NSMAF: variants seen among roughly 807,000 people sequenced by gnomAD.
The protein encoded by NSMAF is neutral sphingomyelinase activation associated factor.
Under a neutral mutation model 134.9 loss-of-function variants are expected in NSMAF, and 90 were observed. The observed-to-expected ratio is 0.67, with a 90% CI of 0.56 to 0.79. NSMAF has a LOEUF of 0.79. NSMAF is among the 30% of genes least tolerant of loss of function. NSMAF has a pLI of 0.00. For missense variants in NSMAF, 1,010 were observed against 1,119.0 expected (o/e 0.90, Z 1.39); for synonymous variants, 358 against 389.6 (o/e 0.92, Z 0.96).
At chr8:58,599,670 C>A in intron 18 of NSMAF, 80 bp downstream of exon 18, 2 of 1,477,862 alleles carry the variant, frequency 1.4e-6, no homozygotes, top group Admixed American at 2.1e-5. Context: ...TTTTAAAAAT[C>A]TAAGCAATAA....
intron 24 of NSMAF, among the ~76,000 whole-genome samples, chr8:58,590,371 G>A (rs1287037220): frequency 6.6e-6 from 1 of 152,126 alleles, no homozygotes; most frequent in African/African-American, 2.4e-5. Flanking sequence ...TCCAGTTGGG[G>A]GCAGACTGGG....
At chr8:58,606,387 T>A in intron 11 of NSMAF, among the ~76,000 whole-genome samples, 1 of 152,170 alleles carries the variant, frequency 6.6e-6, no homozygotes, top group Non-Finnish European at 1.5e-5. Context: ...TCTTCAAACA[T>A]AAATGTCTAG....
intron 1 of NSMAF, among the ~76,000 whole-genome samples, chr8:58,647,484 T>C (rs1452253103): frequency 6.6e-6 from 1 of 152,206 alleles, no homozygotes; most frequent in African/African-American, 2.4e-5. Flanking sequence ...ATATGTCATG[T>C]TGAAATGTGA....
At chr8:58,637,583 G>A (rs1807206122) in intron 2 of NSMAF, among the ~76,000 whole-genome samples, 1 of 152,246 alleles carries the variant, frequency 6.6e-6, no homozygotes, top group Admixed American at 6.5e-5. Flanking sequence ...GATTTTATAT[G>A]TATACAAAAA....
intron 2 of NSMAF, among the ~76,000 whole-genome samples, chr8:58,641,495 G>A (rs1807335600): frequency 6.6e-6 from 1 of 152,108 alleles, no homozygotes; most frequent in Non-Finnish European, 1.5e-5. Flanking sequence ...GCCCCCTTCT[G>A]ACAAAAGTAG....
At chr8:58,650,114 T>C (rs1158978800) in intron 1 of NSMAF, among the ~76,000 whole-genome samples, 1 of 152,190 alleles carries the variant, frequency 6.6e-6, no homozygotes, top group African/African-American at 2.4e-5. Context: ...TCTTCACCCA[T>C]CTTGCGAAAG....
intron 1 of NSMAF, 30 bp downstream of exon 1, chr8:58,659,543 G>T (rs1258703047): frequency 4.6e-6 from 7 of 1,523,782 alleles, no homozygotes; most frequent in Admixed American, 4.1e-5. Context: ...CTAGGCCCCC[G>T]GCTGGGCCCT....
At chr8:58,606,448 C>T (rs993180203) in intron 11 of NSMAF, among the ~76,000 whole-genome samples, 2 of 152,138 alleles carry the variant, frequency 1.3e-5, no homozygotes, top group African/African-American at 4.8e-5. Flanking sequence ...CCAGGTCCTG[C>T]TCTGTTGCCC....
chr8:58,590,187 G>A (rs1585725189), intron 24 of NSMAF, 113 bp from the exon 25 acceptor site: 1 of 854,934 alleles, frequency 1.2e-6, no homozygotes, highest in African/African-American at 1.7e-5. Flanking sequence ...TCTTTATGTG[G>A]CTCTCCTCCT....
chr8:58,585,417 T>A (rs1302905867), intron 30 of NSMAF, among the ~76,000 whole-genome samples: 3 of 152,018 alleles, frequency 2.0e-5, no homozygotes, highest in Non-Finnish European at 4.4e-5. Flanking sequence ...ATTCTCCATA[T>A]GAAAGTTAAA....
intron 9 of NSMAF, among the ~76,000 whole-genome samples, chr8:58,613,823 T>C (rs893674416): frequency 4.6e-5 from 7 of 152,216 alleles, no homozygotes; most frequent in African/African-American, 1.7e-4. Context: ...GTTTGTATCA[T>C]ATCGGTGTGC....
At chr8:58,601,418 A>G in intron 15 of NSMAF, 27 bp downstream of exon 15, 1 of 1,612,416 alleles carries the variant, frequency 6.2e-7, no homozygotes, top group Non-Finnish European at 8.5e-7. Flanking sequence ...ATAAAATTTA[A>G]TTGGGGGTAA....
At chr8:58,640,478 T>C (rs1184798446) in intron 2 of NSMAF, among the ~76,000 whole-genome samples, 1 of 152,144 alleles carries the variant, frequency 6.6e-6, no homozygotes, top group Non-Finnish European at 1.5e-5. Context: ...ATTATATAAA[T>C]ACATATACAT....
chr8:58,623,814 A>C, intron 6 of NSMAF, 34 bp from the exon 7 acceptor site: 1 of 1,549,426 alleles, frequency 6.5e-7, no homozygotes, highest in Non-Finnish European at 8.9e-7. Context: ...AAATACAGGA[A>C]GAGAAGAAGT....
rs118039071 is a variant in NSMAF at position 58,609,151 on chromosome 8, T to A, written c.687+453A>T. On this transcript the variant is annotated intron_variant, in intron 10 of 30. Coordinates refer to ENST00000038176, the MANE Select transcript of NSMAF (RefSeq NM_003580.4). ...GGGAGGACCTGCTCATAGTGCTCCT[T>A]CAGGAAAAATTCAGATCTACTGAGG... is the stretch of plus-strand genomic sequence containing the variant. Among the ~76,000 whole-genome samples, 82 of 152,288 alleles carry A rather than the reference T, an allele frequency of 5.4e-4. 2 individuals are homozygous for A. The East Asian group carries it at 0.014, about 26-fold the overall frequency.
At chr8:58,609,537 G>C in intron 10 of NSMAF, 67 bp downstream of exon 10, 1 of 1,561,050 alleles carries the variant, frequency 6.4e-7, no homozygotes, top group Non-Finnish European at 8.8e-7. Context: ...CCCTGGCATT[G>C]TGAGGCCATG....
rs369037056 is a variant in NSMAF at position 58,595,634 on chromosome 8, G to A, written c.1818C>T (p.Thr606=). Residue 606 remains threonine, a synonymous_variant, in exon 22 of 31, where the codon ACC becomes ACT. Coordinates refer to ENST00000038176, the MANE Select transcript of NSMAF (RefSeq NM_003580.4). Reference sequence around the variant, plus strand: ...TCCAGGCCAGTGTTTTGCTTTCTTCGGTCAGGTCTTCAAAAGACTCTTCAC... The same window carrying A: ...TCCAGGCCAGTGTTTTGCTTTCTTCAGTCAGGTCTTCAAAAGACTCTTCAC... ...SPGEESFEDL[T]EESKTLAWNN... is the part of the protein sequence containing the mutation. The A allele has an allele frequency of 2.5e-5, 40 of 1,613,572 alleles. No individual in the cohort carries two copies. The highest frequency in any genetic ancestry group is 3.1e-5 in the Non-Finnish European group (37 of 1,179,784).
chr8:58,659,167 G>A (rs1167900526), intron 1 of NSMAF: 3 of 1,380,456 alleles, frequency 2.2e-6, no homozygotes, highest in Non-Finnish European at 1.9e-6. Context: ...GGATTAGAAA[G>A]GGGGTGCCCG....
chr8:58,612,731 G>A (rs565265631), intron 9 of NSMAF, among the ~76,000 whole-genome samples: 2 of 152,206 alleles, frequency 1.3e-5, no homozygotes, highest in East Asian at 3.9e-4. Flanking sequence ...ATACCCAACT[G>A]GTGTCAGAGA....
Sources: gnomAD v4.1 joint callset for allele counts (sites outside exome capture counted in the v4.1 genomes callset) on GRCh38, gnomAD v4.1.1 for gene constraint, MANE v1.5 for transcripts, NCBI Gene and HGNC (gene_info 2026-07-23, HGNC 2026-07-21) for gene names.